CSMD3: variants seen among roughly 807,000 people sequenced by gnomAD.
CSMD3 encodes CUB and sushi domain-containing protein 3.
In CSMD3, 177 loss-of-function variants were observed where a neutral mutation model predicts 435.2. That is an observed-to-expected ratio of 0.41 (90% confidence interval 0.36 to 0.46). The LOEUF (loss-of-function observed/expected upper bound fraction) is 0.46. Ranked by LOEUF, CSMD3 falls within the 20% of genes least tolerant of loss-of-function variation. CSMD3 has a pLI of 0.34. For synonymous variants in CSMD3, 1,656 were observed against 1,520.5 expected, an observed-to-expected ratio of 1.09 and a Z score of -2.07; for missense variants, 4,265 against 4,504.6, an observed-to-expected ratio of 0.95 and a Z score of 1.52.
chr8:113,119,892 T>C (rs959153605), intron 4 of CSMD3, among the ~76,000 whole-genome samples: 1 of 152,106 alleles, frequency 6.6e-6, no homozygotes, highest in East Asian at 1.9e-4. Context: ...ATAACATTTC[T>C]ATTGCATTTT....
At chr8:112,828,567 C>T (rs1439064323) in intron 12 of CSMD3, among the ~76,000 whole-genome samples, 1 of 152,182 alleles carries the variant, frequency 6.6e-6, no homozygotes, top group African/African-American at 2.4e-5. Context: ...GTCTCCCAGT[C>T]ATGCTTCCTG....
chr8:112,660,881 G>A (rs1220176113), intron 17 of CSMD3, among the ~76,000 whole-genome samples: 2 of 152,272 alleles, frequency 1.3e-5, no homozygotes, highest in African/African-American at 4.8e-5. Context: ...GGAAGTGGAA[G>A]AAGCCATGAG....
chr8:112,241,125 T>C (rs1213585131), intron 66 of CSMD3, among the ~76,000 whole-genome samples: 6 of 152,020 alleles, frequency 3.9e-5, no homozygotes, highest in African/African-American at 7.2e-5. Context: ...AAGCTTATTA[T>C]ATAATTATTT....
chr8:112,419,233 T>C (rs1427790719), intron 32 of CSMD3, among the ~76,000 whole-genome samples: 2 of 152,194 alleles, frequency 1.3e-5, no homozygotes, highest in African/African-American at 2.4e-5. Context: ...TATGCTGATT[T>C]AGCATTTTAA....
intron 10 of CSMD3, among the ~76,000 whole-genome samples, chr8:112,898,356 T>C (rs924279039): frequency 7.3e-5 from 11 of 151,364 alleles, no homozygotes; most frequent in East Asian, 2.0e-4. Context: ...TTCATAAAAT[T>C]TATCACATAA....
intron 1 of CSMD3, among the ~76,000 whole-genome samples, chr8:113,352,875 C>A (rs2094198976): frequency 6.6e-6 from 1 of 152,152 alleles, no homozygotes; most frequent in Non-Finnish European, 1.5e-5. Context: ...TTCAATTTAA[C>A]AAAAAGCCAC....
intron 44 of CSMD3, 102 bp from the exon 45 acceptor site, chr8:112,335,576 G>T: frequency 2.9e-6 from 3 of 1,020,676 alleles, no homozygotes; most frequent in Admixed American, 3.9e-5. Context: ...ATATTCTAAC[G>T]TATCAATAAT....
rs963212894 is a variant in CSMD3, at chr8:113,210,647, G to A, written c.515-36731C>T. Among the ~76,000 whole-genome samples the A allele has an allele frequency of 2.0e-5, 3 of 152,158 alleles. No homozygotes were observed. In the East Asian group the frequency reaches 5.8e-4, roughly 29 times the overall value. The stretch of plus-strand genomic sequence containing the variant: ...AATCACAGCACTTTGGGAGGCTGAG[G>A]TGGGCCGGTCACCTGAGGTCAGGAG... On this transcript the variant is annotated intron_variant, in intron 3 of 70. Transcript: ENST00000297405.
intron 4 of CSMD3, among the ~76,000 whole-genome samples, chr8:113,141,627 A>G (rs1401661259): frequency 6.6e-6 from 1 of 151,006 alleles, no homozygotes; most frequent in Non-Finnish European, 1.5e-5. Context: ...CACTTGACTA[A>G]ATTCAACATT....
intron 6 of CSMD3, among the ~76,000 whole-genome samples, chr8:112,978,321 C>A (rs889558296): frequency 6.6e-6 from 1 of 151,926 alleles, no homozygotes; most frequent in African/African-American, 2.4e-5. Context: ...TATGATCAAT[C>A]TCAAATAATC....
intron 3 of CSMD3, among the ~76,000 whole-genome samples, chr8:113,233,071 A>G (rs1237059427): frequency 6.6e-6 from 1 of 151,866 alleles, no homozygotes; most frequent in Non-Finnish European, 1.5e-5. Flanking sequence ...TTATTTCCAT[A>G]ATTTTTGGAA....
chr8:112,793,481 T>C (rs1024943448), intron 13 of CSMD3, among the ~76,000 whole-genome samples: 5 of 152,084 alleles, frequency 3.3e-5, no homozygotes, highest in Admixed American at 2.0e-4. Flanking sequence ...AACTATAGTA[T>C]AGACTATTTC....
chr8:112,368,650 G>C (rs187498258), intron 38 of CSMD3, among the ~76,000 whole-genome samples: 93 of 152,110 alleles, frequency 6.1e-4, no homozygotes, highest in South Asian at 2.5e-3. Context: ...TAAATGAATG[G>C]GTTTGTTCTC....
chr8:112,341,363 GTT>G (rs79227508), intron 42 of CSMD3, 112 bp downstream of exon 42: 57 of 670,418 alleles, frequency 8.5e-5, no homozygotes, highest in Non-Finnish European at 1.0e-4. Flanking sequence ...CTTGGCTTAA[GTT>G]TTTTTTTTTT....
At chr8:112,645,275 G>T in intron 19 of CSMD3, 50 bp from the exon 20 acceptor site, 1 of 997,528 alleles carries the variant, frequency 1.0e-6, no homozygotes, top group Non-Finnish European at 1.6e-6. Context: ...GAGAGACAGA[G>T]GGTGAACAAA....
intron 1 of CSMD3, among the ~76,000 whole-genome samples, chr8:113,342,157 A>T (rs547055861): frequency 6.6e-6 from 1 of 152,156 alleles, no homozygotes; most frequent in Non-Finnish European, 1.5e-5. Context: ...ATGCCTCTTA[A>T]AAGTAGAAAT....
chr8:112,551,649 C>G (rs901328319), intron 26 of CSMD3, among the ~76,000 whole-genome samples: 1 of 151,740 alleles, frequency 6.6e-6, no homozygotes, highest in Non-Finnish European at 1.5e-5. Context: ...AAACAATGCA[C>G]GACTTAGACT....
chr8:112,575,551 A>G (rs576218817), intron 23 of CSMD3, among the ~76,000 whole-genome samples: 1 of 152,176 alleles, frequency 6.6e-6, no homozygotes, highest in East Asian at 1.9e-4. Flanking sequence ...AAATTTCCTA[A>G]TATTATAAGG....
In CSMD3 at chr8:113,019,058, T is replaced by G; in HGVS notation, c.1030+9A>C. On this transcript the variant is annotated intron_variant, in intron 6 of 70. Coordinates refer to ENST00000297405, the MANE Select transcript of CSMD3 (RefSeq NM_198123.2). ...TATCAAAAGAGGCAAAGGTATTCCATAAGTATACCTTGATAGGGAGCACTA... is the reference window on the plus strand; with the variant it reads ...TATCAAAAGAGGCAAAGGTATTCCAGAAGTATACCTTGATAGGGAGCACTA... 1.3e-6 allele frequency: 2 copies of G among 1,507,534 alleles called. No individual in the cohort carries two copies. The highest frequency in any genetic ancestry group is 1.8e-6 in the Non-Finnish European group (2 of 1,082,686). 93.4% of individuals were successfully genotyped at this position (1,507,534 alleles called of 1,614,324 possible).
Sources: allele counts gnomAD v4.1 joint callset (sites outside exome capture counted in the v4.1 genomes callset), GRCh38; gene constraint gnomAD v4.1.1; transcripts MANE v1.5; gene names NCBI Gene and HGNC (gene_info 2026-07-23, HGNC 2026-07-21).